The following CREBZF variants were observed in gnomAD, a reference collection of about 807,000 sequenced individuals.
The protein encoded by CREBZF is CREB/ATF bZIP transcription factor.
CREBZF carries 8 observed loss-of-function variants against 21.1 expected under a neutral mutation model. The observed-to-expected ratio is 0.38, with a 90% confidence interval of 0.22 to 0.68. The LOEUF is 0.68. CREBZF is among the 30% of genes least tolerant of loss of function. CREBZF has a pLI of 0.51. For missense variants in CREBZF, 518 were observed against 484.3 expected (o/e 1.07, Z -0.65); for synonymous variants, 270 against 223.3 (o/e 1.21, Z -1.86).
At chr11:85,682,111 G>C (rs1332910199) in intron 1 of CREBZF, among the ~76,000 whole-genome samples, 1 of 152,192 alleles carries the variant, frequency 6.6e-6, no homozygotes, top group Non-Finnish European at 1.5e-5. Context: ...CATTAAACCA[G>C]GTGTGGGGGC....
At chr11:85,669,217 G>C (rs894671915), upstream of CREBZF, among the ~76,000 whole-genome samples, 1 of 151,914 alleles carries the variant, frequency 6.6e-6, no homozygotes, top group Non-Finnish European at 1.5e-5. Flanking sequence ...AATTGTGAGA[G>C]AAGCCTAAAC....
chr11:85,666,446 G>A (rs1050024405), upstream of CREBZF, among the ~76,000 whole-genome samples: 1 of 152,154 alleles, frequency 6.6e-6, no homozygotes, highest in Non-Finnish European at 1.5e-5. Context: ...GTTTGAATTG[G>A]GCTAAAAATT....
At chr11:85,681,467 T>G (rs2082976195) in intron 1 of CREBZF, among the ~76,000 whole-genome samples, 1 of 152,232 alleles carries the variant, frequency 6.6e-6, no homozygotes, top group Non-Finnish European at 1.5e-5. Flanking sequence ...AAAATACCAG[T>G]CAGTTCATTT....
upstream of CREBZF, among the ~76,000 whole-genome samples, chr11:85,669,970 G>A (rs1219906329): frequency 1.3e-5 from 2 of 151,886 alleles, no homozygotes; most frequent in Non-Finnish European, 2.9e-5. Context: ...ACCACACCTG[G>A]CTAATTTTTG....
In CREBZF at chr11:85,664,243, C is replaced by G; in HGVS notation, c.633G>C (p.Arg211=). Reference sequence around the variant, plus strand: ...GGCGGGCAGCGGCCGCCGCCGCCTTCCGGGGACTCTTTGTCGCCGCCTGGT... The same window carrying G: ...GGCGGGCAGCGGCCGCCGCCGCCTTGCGGGGACTCTTTGTCGCCGCCTGGT... ...DNNQAATKSP[R]KAAAAAARLN... Residue 211 remains arginine, a synonymous_variant, in exon 1 of 1, where the codon CGG becomes CGC. Coordinates refer to ENST00000527447, the MANE Select transcript of CREBZF (RefSeq NM_001039618.4). The surrounding 1 kb of genome is among the most constrained non-coding windows in gnomAD (Gnocchi z 5.5). The G allele has an allele frequency of 6.2e-7, 1 of 1,612,942 alleles. No individual in the cohort carries two copies. The highest frequency in any genetic ancestry group is 8.5e-7 in the Non-Finnish European group (1 of 1,179,882).
rs560020557 is a variant in CREBZF, at chr11:85,658,052, T to C, written c.*5759A>G. Among the ~76,000 whole-genome samples the C allele has an allele frequency of 2.6e-5, 4 of 152,154 alleles. No homozygotes were observed. In the East Asian group the frequency reaches 7.7e-4, roughly 29 times the overall value. The stretch of plus-strand genomic sequence containing the variant: ...GCTAAAATATCAAGATGAAAAGCTC[T>C]GATCCCAAATCATCCATTTTACCTA... On this transcript the variant is annotated 3_prime_UTR_variant, in exon 1 of 1. Coordinates refer to ENST00000527447, the MANE Select transcript of CREBZF (RefSeq NM_001039618.4).
At chr11:85,676,237 T>C (rs1388762882) in intron 1 of CREBZF, among the ~76,000 whole-genome samples, 1 of 152,126 alleles carries the variant, frequency 6.6e-6, no homozygotes, top group African/African-American at 2.4e-5. Context: ...TTTGGAAGGG[T>C]AGGAAGAAAG....
Position 85,664,601 on chromosome 11 carries a change from G to A in CREBZF, c.275C>T (p.Pro92Leu), listed in dbSNP as rs754177896. ...GTCCATATCCTCCGTCTCTTCCCCC[G>A]GGAGGCTGGCGATCGCCTCCTCCTC... ...EMEEEAIASL[P>L]GEETEDMDFL... Residue 92 changes from proline (P) to leucine (L), a missense_variant, in exon 1 of 1, where the codon CCG becomes CTG. Physicochemically the swap from Pro to Leu is moderately conservative, Grantham distance 98 (BLOSUM62 -3). This residue lies in a region of CREBZF where 396 missense variants were observed against 324.4 expected (regional missense o/e 1.22). Transcript: ENST00000527447. The surrounding 1 kb of genome is among the most constrained non-coding windows in gnomAD (Gnocchi z 5.5). 4 of 1,613,600 alleles carry A rather than the reference G, an allele frequency of 2.5e-6. No individual in the cohort carries two copies. Among genetic ancestry groups the A allele is most frequent in the Non-Finnish European group, 8.5e-7 (1 of 1,179,904 alleles).
intron 1 of CREBZF, among the ~76,000 whole-genome samples, chr11:85,678,632 C>T (rs2082956676): frequency 6.6e-6 from 1 of 152,120 alleles, no homozygotes; most frequent in Admixed American, 6.6e-5. Context: ...GGAATATACT[C>T]CATTAAGGAT....
Position 85,664,730 on chromosome 11 carries a change from C to G in CREBZF, c.146G>C (p.Gly49Ala). 1.2e-6 allele frequency: 2 copies of G among 1,602,800 alleles called. No homozygotes were observed. Among genetic ancestry groups the G allele is most frequent in the Non-Finnish European group, 1.7e-6 (2 of 1,176,504 alleles). The change falls in exon 1 of 1, where the codon GGA (glycine) becomes GCA (alanine). Residue 49 changes from glycine to alanine, a missense_variant. Physicochemically the swap from Gly to Ala is moderately conservative, Grantham distance 60 (BLOSUM62 0). Around this residue, in one of 3 missense-constraint regions of CREBZF, gnomAD observed 396 missense variants for 324.4 expected, o/e 1.22. Transcript: ENST00000527447. The surrounding 1 kb of genome is among the most constrained non-coding windows in gnomAD (Gnocchi z 5.5). ...AAACTGCTGCTTGCGGCCGGGAGAT[C>G]CGGCCGCCGCCGTCTCCTCCTCCCC... The part of the protein sequence containing the change: ...AAGEEETAAA[G>A]SPGRKQQFGD...
chr11:85,681,955 A>G (rs748085146), intron 1 of CREBZF, among the ~76,000 whole-genome samples: 32 of 152,242 alleles, frequency 2.1e-4, no homozygotes, highest in Non-Finnish European at 4.0e-4. Flanking sequence ...GCTCTTAAGA[A>G]GAATAGTTTG....
chr11:85,681,419 A>G (rs2082976006), intron 1 of CREBZF, among the ~76,000 whole-genome samples: 2 of 152,300 alleles, frequency 1.3e-5, no homozygotes, highest in East Asian at 1.9e-4. Context: ...AACTAACTTG[A>G]ATTCATTTTC....
intron 1 of CREBZF, among the ~76,000 whole-genome samples, chr11:85,677,466 TC>T (rs1744706888): frequency 6.6e-6 from 1 of 152,174 alleles, no homozygotes; most frequent in Non-Finnish European, 1.5e-5. Context: ...AGGACAGCAA[TC>T]CCCCACCCCC....
chr11:85,680,163 T>C (rs967389886), intron 1 of CREBZF, among the ~76,000 whole-genome samples: 4 of 152,170 alleles, frequency 2.6e-5, no homozygotes, highest in African/African-American at 9.7e-5. Context: ...ACACAGAATA[T>C]AGTATAATAT....
rs2082795846 is a variant in CREBZF at position 85,664,510 on chromosome 11, G to A, written c.366C>T (p.Pro122=). 1.9e-6 allele frequency: 3 copies of A among 1,613,780 alleles called. No individual in the cohort carries two copies. The highest frequency in any genetic ancestry group is 2.5e-6 in the Non-Finnish European group (3 of 1,179,964). The change falls in exon 1 of 1, where the codon CCC becomes CCT. Residue 122 remains proline, a synonymous_variant. Coordinates refer to ENST00000527447, the MANE Select transcript of CREBZF (RefSeq NM_001039618.4). The surrounding 1 kb of genome is among the most constrained non-coding windows in gnomAD (Gnocchi z 5.5). ...AGAGAGGCCCCGGCGAGCTAAGCCC[G>A]GGGTCCAGGTGCCAGTCCGGTTGCC... The part of the protein sequence containing the change: ...DPRQPDWHLD[P]GLSSPGPLSS...
upstream of CREBZF, among the ~76,000 whole-genome samples, chr11:85,669,065 T>C (rs2082893236): frequency 6.9e-6 from 1 of 144,332 alleles, no homozygotes; most frequent in African/African-American, 2.5e-5. Context: ...ATTTGTATTT[T>C]ACATGGAGAT....
At chr11:85,679,060 T>C (rs2153330370) in intron 1 of CREBZF, among the ~76,000 whole-genome samples, 1 of 152,278 alleles carries the variant, frequency 6.6e-6, no homozygotes, top group South Asian at 2.1e-4. Context: ...ATCTCTTGAG[T>C]CTATTTGGAG....
At chr11:85,674,536 T>G (rs2082930777) in intron 1 of CREBZF, among the ~76,000 whole-genome samples, 1 of 152,188 alleles carries the variant, frequency 6.6e-6, no homozygotes, top group African/African-American at 2.4e-5. Context: ...GAAGGGTAAA[T>G]ATGAGCACTG....
In CREBZF at chr11:85,675,205, A is replaced by ACTC. The variant is rs777891197; in HGVS notation, n.147+7511_147+7512insGAG. 5.3e-5 allele frequency among the ~76,000 whole-genome samples: 8 copies of ACTC among 152,182 alleles called. No individual in the cohort carries two copies. The South Asian group carries it at 1.0e-3, about 20-fold the overall frequency. ...CAAAAATATTTCCTCTGCATTCACG[A>ACTC]CTTGGCTAACTGGTGCAAAAGACCA... On this transcript the variant is annotated intron_variant and non_coding_transcript_variant, in intron 1 of 3. Coordinates refer to the CREBZF transcript ENST00000531515.
Sources: allele counts gnomAD v4.1 joint callset (sites outside exome capture counted in the v4.1 genomes callset), GRCh38; gene constraint gnomAD v4.1.1; regional missense constraint gnomAD v4.1.1; non-coding constraint Gnocchi (gnomAD v3.1); transcripts MANE v1.5; gene names NCBI Gene and HGNC (gene_info 2026-07-23, HGNC 2026-07-21).